CHL1: variants seen among roughly 807,000 people sequenced by gnomAD.
CHL1 encodes the protein neural cell adhesion molecule L1-like protein.
CHL1 carries 96 observed loss-of-function variants against 141.9 expected under a neutral mutation model. That is an observed-to-expected ratio of 0.68 (90% CI 0.57 to 0.80). The LOEUF is 0.80. Among genes scored for constraint, CHL1 ranks in the 30% least tolerant of loss-of-function variants. CHL1 has a pLI of 0.00. For synonymous variants in CHL1, 613 were observed against 502.2 expected, an observed-to-expected ratio of 1.22 and a Z score of -2.95; for missense variants, 1,820 against 1,457.2, an observed-to-expected ratio of 1.25 and a Z score of -4.05.
chr3:382,849 T>C, intron 18 of CHL1, 178 bp downstream of exon 18: 1 of 601,034 alleles, frequency 1.7e-6, no homozygotes, highest in Non-Finnish European at 2.9e-6. Context: ...AAGTGTTACA[T>C]ACGAGTTCGA....
At chr3:240,330 C>T (rs985458576) in intron 1 of CHL1, among the ~76,000 whole-genome samples, 4 of 152,184 alleles carry the variant, frequency 2.6e-5, no homozygotes, top group Admixed American at 2.0e-4. Flanking sequence ...TTTTGATTTG[C>T]ATTTCCCTGA....
At position 391,056 on chromosome 3, in the gene CHL1, T is replaced by A. The variant is rs763109509; in HGVS notation, c.2688T>A (p.Pro896=). The change falls in exon 22 of 28, where the codon CCT becomes CCA. Residue 896 remains proline (P), a synonymous_variant. Coordinates refer to ENST00000256509, the MANE Select transcript of CHL1 (RefSeq NM_006614.4). ...GACAAAGAAACTCTGGAATGGTTCC[T>A]TCCTTAGATGCCTTTAGTGAATTTC... ...FSGQRNSGMV[P]SLDAFSEFHL... 13 of 1,613,916 alleles carry A rather than the reference T, an allele frequency of 8.1e-6. No homozygotes were observed. The highest frequency in any genetic ancestry group is 3.3e-5 in the South Asian group (3 of 91,084).
chr3:317,535 T>G (rs1011566410), intron 2 of CHL1, among the ~76,000 whole-genome samples: 4 of 151,618 alleles, frequency 2.6e-5, no homozygotes, highest in Non-Finnish European at 5.9e-5. Flanking sequence ...CATGAGATGC[T>G]CTTAAAGCCA....
chr3:346,260 T>C (rs1472146954), intron 9 of CHL1, among the ~76,000 whole-genome samples: 1 of 152,224 alleles, frequency 6.6e-6, no homozygotes, highest in African/African-American at 2.4e-5. Context: ...TGTATTTACA[T>C]AAATTAGTTA....
rs571149981 is a variant in CHL1 at position 404,682 on chromosome 3, T to C, written c.3459-813T>C. Among the ~76,000 whole-genome samples the C allele has an allele frequency of 4.6e-5, 7 of 152,280 alleles. No homozygotes were observed. The East Asian group carries it at 1.4e-3, about 29-fold the overall frequency. ...GGTTTCAAAAACAGAATGTGATTGA[T>C]TTTTAAAAAAGAACATTTTATCAGG... On this transcript the variant is annotated intron_variant, in intron 27 of 27. Transcript: ENST00000256509.
intron 2 of CHL1, among the ~76,000 whole-genome samples, chr3:287,864 G>A (rs1348182600): frequency 1.3e-5 from 2 of 151,970 alleles, no homozygotes; most frequent in Admixed American, 1.3e-4. Flanking sequence ...CTCCCGGGTT[G>A]AAGCGATTCT....
intron 1 of CHL1, among the ~76,000 whole-genome samples, chr3:238,652 C>CAGTG (rs1692226752): frequency 6.6e-6 from 1 of 151,982 alleles, no homozygotes; most frequent in Admixed American, 6.6e-5. Flanking sequence ...TGGCCAGGTA[C>CAGTG]AGTGGCTCAC....
intron 15 of CHL1, among the ~76,000 whole-genome samples, chr3:375,122 C>A (rs1041587024): frequency 6.6e-6 from 1 of 152,084 alleles, no homozygotes; most frequent in Admixed American, 6.6e-5. Flanking sequence ...GAAATGCCCC[C>A]CCAGGAATTT....
chr3:305,844 A>G (rs1485034077), intron 2 of CHL1, among the ~76,000 whole-genome samples: 2 of 152,034 alleles, frequency 1.3e-5, no homozygotes, highest in East Asian at 3.9e-4. Flanking sequence ...TACAATAAGA[A>G]TATATTTTAT....
intron 15 of CHL1, among the ~76,000 whole-genome samples, chr3:376,602 T>A (rs1199821279): frequency 6.6e-6 from 1 of 152,200 alleles, no homozygotes; most frequent in Non-Finnish European, 1.5e-5. Flanking sequence ...AGGGTATAAA[T>A]CTTGGCAAGA....
chr3:281,713 C>T (rs1232286966), intron 2 of CHL1, among the ~76,000 whole-genome samples: 1 of 152,048 alleles, frequency 6.6e-6, no homozygotes. Flanking sequence ...GCACATGCCA[C>T]CATGACTGGC....
At chr3:343,606 T>C (rs1312994622) in intron 8 of CHL1, among the ~76,000 whole-genome samples, 2 of 152,202 alleles carry the variant, frequency 1.3e-5, no homozygotes, top group Non-Finnish European at 2.9e-5. Context: ...AAATCTGAGT[T>C]GTATAGCAGG....
At chr3:308,159 A>G (rs142532835) in intron 2 of CHL1, among the ~76,000 whole-genome samples, 33 of 152,312 alleles carry the variant, frequency 2.2e-4, no homozygotes, top group African/African-American at 7.5e-4. Context: ...TTGTCTTTGG[A>G]TGAATGAGAA....
chr3:360,483 C>T (rs1575160123), intron 12 of CHL1, 59 bp downstream of exon 12: 4 of 1,563,448 alleles, frequency 2.6e-6, no homozygotes, highest in South Asian at 2.3e-5. Flanking sequence ...TGGTCAAGGT[C>T]ATGTTCAGAA....
Position 377,832 on chromosome 3 carries a change from G to C in CHL1, c.1766G>C (p.Gly589Ala). The part of the protein sequence containing the change: ...GTEDGRIIID[G>A]ANLTISNVTL... ...TTTTCTGATAGGATAATTATTGATGGAGCTAATTTGACCATATCTAATGTA... is the reference window on the plus strand; with the variant it reads ...TTTTCTGATAGGATAATTATTGATGCAGCTAATTTGACCATATCTAATGTA... The change falls in exon 16 of 28, where the codon GGA (glycine) becomes GCA (alanine). Residue 589 changes from glycine to alanine, a missense_variant. Physicochemically the swap from Gly to Ala is moderately conservative, Grantham distance 60 (BLOSUM62 0). Coordinates refer to ENST00000256509, the MANE Select transcript of CHL1 (RefSeq NM_006614.4). 1 of 1,606,110 alleles carries C rather than the reference G, an allele frequency of 6.2e-7. No homozygotes were observed. Among genetic ancestry groups the C allele is most frequent in the South Asian group, 1.1e-5 (1 of 90,138 alleles).
chr3:281,021 TTC>T (rs1424282035), intron 2 of CHL1, among the ~76,000 whole-genome samples: 1 of 152,178 alleles, frequency 6.6e-6, no homozygotes, highest in African/African-American at 2.4e-5. Flanking sequence ...GGTTATTTTT[TTC>T]CCCTAGGGGA....
chr3:280,463 T>C (rs922892477), intron 2 of CHL1, among the ~76,000 whole-genome samples: 1 of 152,224 alleles, frequency 6.6e-6, no homozygotes, highest in Admixed American at 6.5e-5. Flanking sequence ...AAGTGCTGAA[T>C]AACTTAGATA....
In CHL1 at chr3:343,197, G is replaced by T. The variant is rs554790845; in HGVS notation, c.727+166G>T. Among the ~76,000 whole-genome samples the T allele has an allele frequency of 7.9e-5, 12 of 152,184 alleles. No individual in the cohort carries two copies. The South Asian group carries it at 2.5e-3, about 32-fold the overall frequency. On this transcript the variant is annotated intron_variant, in intron 8 of 27. Transcript: ENST00000256509. Reference sequence around the variant, plus strand: ...GCCCCCCATGCCCTCTTAAATATATGCAAAGGGAGTGATTTTTATAAATAT... The same window carrying T: ...GCCCCCCATGCCCTCTTAAATATATTCAAAGGGAGTGATTTTTATAAATAT...
chr3:347,418 G>T (rs1336996541), intron 9 of CHL1, among the ~76,000 whole-genome samples: 1 of 152,082 alleles, frequency 6.6e-6, no homozygotes, highest in Non-Finnish European at 1.5e-5. Flanking sequence ...AAAAAAATTG[G>T]CAAGAATAGA....
Sources: gnomAD v4.1 joint callset for allele counts (sites outside exome capture counted in the v4.1 genomes callset) on GRCh38, gnomAD v4.1.1 for gene constraint, MANE v1.5 for transcripts, NCBI Gene and HGNC (gene_info 2026-07-23, HGNC 2026-07-21) for gene names.